NEMP2: variants seen among roughly 807,000 people sequenced by gnomAD.
NEMP2 encodes the protein nuclear envelope integral membrane protein 2.
In NEMP2, 53 loss-of-function variants were observed where a neutral mutation model predicts 54.2. The observed-to-expected ratio is 0.98, with a 90% CI of 0.78 to 1.23. The LOEUF (loss-of-function observed/expected upper bound fraction) is 1.23. NEMP2 is among the 50% of genes most tolerant of loss of function. The pLI, the probability that NEMP2 is intolerant of heterozygous loss-of-function variation, is 0.00. For synonymous variants in NEMP2, 197 were observed against 190.3 expected, an observed-to-expected ratio of 1.04 and a Z score of -0.29; for missense variants, 455 against 511.3, an observed-to-expected ratio of 0.89 and a Z score of 1.06.
the NEMP2 span, chr2:190,568,223 T>G: frequency 6.6e-6 from 1 of 152,214 alleles, no homozygotes; most frequent in African/African-American, 2.4e-5. The surrounding 1 kb of genome is among the most constrained non-coding windows in gnomAD (Gnocchi z 4.7). Flanking sequence ...ATAGCAGCTC[T>G]GCAGGAAACC....
chr2:190,626,257 TG>T, the NEMP2 span: 1 of 152,242 alleles, frequency 6.6e-6, no homozygotes, highest in South Asian at 2.1e-4. This position sits in a 1 kb window ranked among gnomAD's most constrained non-coding sequence, Gnocchi z 4.5. Context: ...ATATGAATTT[TG>T]GGGGGACACA....
the NEMP2 span, among the ~76,000 whole-genome samples, chr2:190,618,687 C>A: frequency 6.6e-6 from 1 of 152,208 alleles, no homozygotes; most frequent in African/African-American, 2.4e-5. Context: ...TCGAGCAATC[C>A]TTCTGCCTCA....
the NEMP2 span, among the ~76,000 whole-genome samples, chr2:190,431,549 A>C: frequency 6.6e-6 from 1 of 152,210 alleles, no homozygotes; most frequent in Non-Finnish European, 1.5e-5. This position sits in a 1 kb window ranked among gnomAD's most constrained non-coding sequence, Gnocchi z 4.4. Context: ...CCAAAAAAAT[A>C]CGAAAACCAG....
the NEMP2 span, among the ~76,000 whole-genome samples, chr2:190,572,836 TATATATATATATA>T: frequency 0.018 from 1,646 of 93,912 alleles, 128 homozygotes; most frequent in Middle Eastern, 0.027. Flanking sequence ...TTCATGAGTA[TATATATATATATA>T]TATATATATA....
the NEMP2 span, among the ~76,000 whole-genome samples, chr2:190,586,645 G>A: frequency 2.3e-4 from 35 of 151,994 alleles, no homozygotes; most frequent in South Asian, 5.6e-3. This position sits in a 1 kb window ranked among gnomAD's most constrained non-coding sequence, Gnocchi z 4.5. Context: ...AGAGATTTTC[G>A]GGGAGAGAAA....
the NEMP2 span, among the ~76,000 whole-genome samples, chr2:190,635,139 C>T: frequency 2.6e-5 from 4 of 152,236 alleles, no homozygotes; most frequent in South Asian, 8.3e-4. The surrounding 1 kb of genome is among the most constrained non-coding windows in gnomAD (Gnocchi z 4.1). Flanking sequence ...ATTGCAGCAA[C>T]AATGGTTGTT....
Position 190,534,582 on chromosome 2 carries a change from T to C in NEMP2, c.74A>G (p.Glu25Gly). The change falls in exon 1 of 9, where the codon GAG (glutamate) becomes GGG (glycine). Residue 25 changes from glutamate to glycine, a missense_variant. Around this residue, in one of 3 missense-constraint regions of NEMP2, gnomAD observed 100 missense variants for 80.2 expected, o/e 1.25. Coordinates refer to ENST00000409150, the MANE Select transcript of NEMP2 (RefSeq NM_001142645.2). ...PPLATLPVRG[E>G]AAAAALSVRR... is the part of the protein sequence containing the mutation. ...ACCTGATAACGCTGCCGCCGCCGCC[T>C]CCCCGCGCACGGGCAGTGTGGCCAG... The C allele has an allele frequency of 7.1e-7, 1 of 1,398,608 alleles. No individual in the cohort carries two copies. The allele number at this position is 1,398,608 out of a possible 1,614,324, so 86.6% of individuals were successfully genotyped here.
At chr2:190,586,345 G>C in the NEMP2 span, among the ~76,000 whole-genome samples, 2 of 150,942 alleles carry the variant, frequency 1.3e-5, no homozygotes, top group Non-Finnish European at 3.0e-5. This position sits in a 1 kb window ranked among gnomAD's most constrained non-coding sequence, Gnocchi z 4.5. Flanking sequence ...TTTGTTTTTT[G>C]TTTATATATA....
the NEMP2 span, among the ~76,000 whole-genome samples, chr2:190,603,292 C>T: frequency 6.6e-6 from 1 of 151,956 alleles, no homozygotes; most frequent in African/African-American, 2.4e-5. Context: ...AAAAATCATC[C>T]CTCTCAGAGA....
rs6707244 is a variant in NEMP2 at position 190,509,049 on chromosome 2, C to A, written c.*140G>T. The A allele has an allele frequency of 7.5e-7, 1 of 1,340,628 alleles. No homozygotes were observed. The highest frequency in any genetic ancestry group is 2.8e-5 in the Admixed American group (1 of 35,214). The allele number at this position is 1,340,628 out of a possible 1,614,324, so 83.0% of individuals were successfully genotyped here. ...AGTTATCTTCAAAATGGGTTGGTTT[C>A]CCTTTCCAGACTGACTTGTTTTTCT... On this transcript the variant is annotated 3_prime_UTR_variant, in exon 9 of 9. Coordinates refer to ENST00000409150, the MANE Select transcript of NEMP2 (RefSeq NM_001142645.2). The surrounding 1 kb of genome is among the most constrained non-coding windows in gnomAD (Gnocchi z 6.1).
the NEMP2 span, among the ~76,000 whole-genome samples, chr2:190,565,237 C>A: frequency 6.6e-6 from 1 of 152,172 alleles, no homozygotes; most frequent in Non-Finnish European, 1.5e-5. Context: ...AGAAAGAAGG[C>A]AGGAGGACCT....
At chr2:190,501,156 C>A (rs1474329774), downstream of NEMP2, 4 of 152,150 alleles carry the variant, frequency 2.6e-5, no homozygotes, top group African/African-American at 9.7e-5. Flanking sequence ...GTACTAGTTA[C>A]AAATCACAGT....
At chr2:190,582,759 T>C in the NEMP2 span, among the ~76,000 whole-genome samples, 1 of 152,208 alleles carries the variant, frequency 6.6e-6, no homozygotes, top group Non-Finnish European at 1.5e-5. The surrounding 1 kb of genome is among the most constrained non-coding windows in gnomAD (Gnocchi z 4.6). Flanking sequence ...TTTAAGACTT[T>C]TGTCTAAACC....
chr2:190,437,326 T>G, the NEMP2 span: 2 of 1,614,244 alleles, frequency 1.2e-6, no homozygotes, highest in East Asian at 4.5e-5. The surrounding 1 kb of genome is among the most constrained non-coding windows in gnomAD (Gnocchi z 5.9). Context: ...CTCGCAGGCC[T>G]TCAACTTTTG....
the NEMP2 span, among the ~76,000 whole-genome samples, chr2:190,615,438 G>A: frequency 2.4e-4 from 37 of 152,328 alleles, no homozygotes; most frequent in South Asian, 4.4e-3. This position sits in a 1 kb window ranked among gnomAD's most constrained non-coding sequence, Gnocchi z 4.7. Context: ...GAGATGCCCA[G>A]GGCAGGGCAC....
chr2:190,572,833 G>GTTTATATATATATATATATGTATATATA, the NEMP2 span, among the ~76,000 whole-genome samples: 1 of 47,862 alleles, frequency 2.1e-5, no homozygotes, highest in Non-Finnish European at 3.7e-5. Context: ...CTTTTCATGA[G>GTTTATATATATATATATATGTATATATA]TATATATATA....
At chr2:190,621,397 T>C in the NEMP2 span, among the ~76,000 whole-genome samples, 1 of 152,222 alleles carries the variant, frequency 6.6e-6, no homozygotes, top group Non-Finnish European at 1.5e-5. Context: ...AGTAAAAATA[T>C]GGTATTATAA....
the NEMP2 span, among the ~76,000 whole-genome samples, chr2:190,636,968 A>G: frequency 4.6e-5 from 7 of 152,302 alleles, no homozygotes; most frequent in South Asian, 1.5e-3. Context: ...CAAAAGGGCT[A>G]GCAGTGTTCT....
At chr2:190,632,555 G>A in the NEMP2 span, among the ~76,000 whole-genome samples, 1 of 152,226 alleles carries the variant, frequency 6.6e-6, no homozygotes, top group Admixed American at 6.5e-5. This position sits in a 1 kb window ranked among gnomAD's most constrained non-coding sequence, Gnocchi z 4.8. Context: ...CCTTGGCCAG[G>A]TTACCCTGAT....
Sources: gnomAD v4.1 joint callset for allele counts (sites outside exome capture counted in the v4.1 genomes callset) on GRCh38, gnomAD v4.1.1 for gene constraint, gnomAD v4.1.1 regional missense constraint, Gnocchi (gnomAD v3.1) non-coding constraint, MANE v1.5 for transcripts, NCBI Gene and HGNC (gene_info 2026-07-23, HGNC 2026-07-21) for gene names.